GRM5: variants seen among roughly 807,000 people sequenced by gnomAD.
GRM5 encodes metabotropic glutamate receptor 5.
GRM5 carries 19 observed loss-of-function variants against 83.1 expected under a neutral mutation model. The ratio of observed to expected loss-of-function variants is 0.23; its 90% CI spans 0.16 to 0.34. The LOEUF is 0.34. Ranked by LOEUF, GRM5 falls within the 10% of genes least tolerant of loss-of-function variation. The pLI is 1.00. For missense variants in GRM5, 1,160 were observed against 1,588.3 expected (o/e 0.73, Z 4.58); for synonymous variants, 675 against 633.6 (o/e 1.07, Z -0.98).
chr11:88,636,149 T>C (rs918593363), intron 4 of GRM5, among the ~76,000 whole-genome samples: 2 of 152,200 alleles, frequency 1.3e-5, no homozygotes, highest in Admixed American at 6.6e-5. Flanking sequence ...CTTATTTCAC[T>C]GACTAGAACC....
chr11:88,546,397 A>T (rs1364750291), intron 8 of GRM5, among the ~76,000 whole-genome samples: 4 of 152,136 alleles, frequency 2.6e-5, no homozygotes. Flanking sequence ...ATTCTCAATG[A>T]ATAGTTACTG....
chr11:88,650,846 T>A (rs867843465), intron 4 of GRM5, among the ~76,000 whole-genome samples: 1 of 152,090 alleles, frequency 6.6e-6, no homozygotes, highest in African/African-American at 2.4e-5. Flanking sequence ...CAATGTTTAA[T>A]AGTTATATGA....
chr11:89,028,055 C>T (rs939207477), intron 2 of GRM5, among the ~76,000 whole-genome samples: 1 of 152,170 alleles, frequency 6.6e-6, no homozygotes, highest in Non-Finnish European at 1.5e-5. Context: ...ATTCAAGGCA[C>T]TATCTTAGAA....
chr11:88,807,856 T>A (rs1943523230), intron 3 of GRM5, among the ~76,000 whole-genome samples: 1 of 152,082 alleles, frequency 6.6e-6, no homozygotes, highest in Admixed American at 6.6e-5. Flanking sequence ...TTATACGTAT[T>A]AGTCAATTAA....
chr11:88,593,578 C>G (rs1043652283), intron 6 of GRM5, among the ~76,000 whole-genome samples: 2 of 150,252 alleles, frequency 1.3e-5, no homozygotes, highest in Non-Finnish European at 1.5e-5. Flanking sequence ...CTCTGGAGGC[C>G]GAGACAGGAG....
rs373947177 is a variant in GRM5 at position 88,644,368 on chromosome 11, A to G, written c.1147+8800T>C. Among the ~76,000 whole-genome samples the G allele has an allele frequency of 4.6e-5, 7 of 152,324 alleles. No individual in the cohort carries two copies. In the East Asian group the frequency reaches 1.2e-3, roughly 25 times the overall value. ...AAGCAGCATTTATCTAACAACATTT[A>G]TAAAATGCTTGCCTTATATTCAAGG... On this transcript the variant is annotated intron_variant, in intron 4 of 9. Coordinates refer to ENST00000305447, the MANE Select transcript of GRM5 (RefSeq NM_001143831.3).
rs1565181208 is a variant in GRM5, at chr11:88,673,340, C to A, written c.912-19937G>T. Among the ~76,000 whole-genome samples the A allele has an allele frequency of 2.0e-5, 3 of 151,938 alleles. No individual in the cohort carries two copies. In the South Asian group the frequency reaches 6.2e-4, roughly 32 times the overall value. ...TGGAGTATGAGGAAGGAAAACAAATCTAGAATGACACCGAATTTTCTGATT... is the reference window on the plus strand; with the variant it reads ...TGGAGTATGAGGAAGGAAAACAAATATAGAATGACACCGAATTTTCTGATT... On this transcript the variant is annotated intron_variant, in intron 3 of 9. Coordinates refer to ENST00000305447, the MANE Select transcript of GRM5 (RefSeq NM_001143831.3).
chr11:88,818,107 A>T (rs1033595115), intron 3 of GRM5, among the ~76,000 whole-genome samples: 4 of 152,102 alleles, frequency 2.6e-5, no homozygotes, highest in Non-Finnish European at 5.9e-5. Flanking sequence ...AACATAAAAA[A>T]CTATAAATCT....
intron 2 of GRM5, among the ~76,000 whole-genome samples, chr11:88,916,237 T>C (rs1322534491): frequency 6.6e-6 from 1 of 152,118 alleles, no homozygotes; most frequent in African/African-American, 2.4e-5. Context: ...TTTAACCTCA[T>C]ATCAAGGAAA....
chr11:88,840,862 C>CA (rs1944186418), intron 3 of GRM5, among the ~76,000 whole-genome samples: 1 of 152,132 alleles, frequency 6.6e-6, no homozygotes, highest in Admixed American at 6.5e-5. Flanking sequence ...TGCTCAATAG[C>CA]AAAGGAACTT....
At chr11:89,030,221 C>T (rs1941229364) in intron 2 of GRM5, among the ~76,000 whole-genome samples, 1 of 152,084 alleles carries the variant, frequency 6.6e-6, no homozygotes, top group Non-Finnish European at 1.5e-5. Context: ...CCTAATTCTT[C>T]CAGTAAAATT....
At chr11:88,779,609 A>G (rs2135461221) in intron 3 of GRM5, among the ~76,000 whole-genome samples, 1 of 152,238 alleles carries the variant, frequency 6.6e-6, no homozygotes, top group East Asian at 1.9e-4. Flanking sequence ...AAAGAAATTA[A>G]TATACTCACA....
intron 3 of GRM5, among the ~76,000 whole-genome samples, chr11:88,668,212 GCACA>G (rs71046259): frequency 2.1e-5 from 3 of 142,572 alleles, no homozygotes; most frequent in South Asian, 2.3e-4. Context: ...GCAGAAACTC[GCACA>G]CACACACACA....
chr11:88,775,518 T>C (rs10765764), intron 3 of GRM5, among the ~76,000 whole-genome samples: 109,738 of 151,794 alleles, frequency 0.72, 40,093 homozygotes, highest in African/African-American at 0.75. Context: ...TCTAGTTCTT[T>C]TAATTGTGAT....
chr11:88,997,571 G>C (rs1000339028), intron 2 of GRM5, among the ~76,000 whole-genome samples: 7 of 151,804 alleles, frequency 4.6e-5, no homozygotes, highest in Non-Finnish European at 1.0e-4. Flanking sequence ...CAGAGAGAGA[G>C]AGGACATGAA....
At chr11:88,725,626 T>C (rs1466611990) in intron 3 of GRM5, among the ~76,000 whole-genome samples, 1 of 152,070 alleles carries the variant, frequency 6.6e-6, no homozygotes, top group Non-Finnish European at 1.5e-5. Flanking sequence ...AGACACCTCA[T>C]ACAGGAGAGC....
chr11:88,668,025 A>G (rs185115161), intron 3 of GRM5, among the ~76,000 whole-genome samples: 58 of 152,274 alleles, frequency 3.8e-4, no homozygotes, highest in Non-Finnish European at 1.0e-4. Flanking sequence ...TACACTAAAA[A>G]GTAATTGTAA....
intron 3 of GRM5, among the ~76,000 whole-genome samples, chr11:88,846,819 C>T (rs555760667): frequency 4.6e-4 from 70 of 151,740 alleles, no homozygotes; most frequent in African/African-American, 1.5e-3. Context: ...GAAGTTATAG[C>T]GTGAACTAAA....
chr11:88,643,894 A>C (rs1485251593), intron 4 of GRM5, among the ~76,000 whole-genome samples: 1 of 152,200 alleles, frequency 6.6e-6, no homozygotes, highest in African/African-American at 2.4e-5. Flanking sequence ...TGCATAAGGA[A>C]GTATCCTCTA....
Sources: gnomAD v4.1 joint callset for allele counts (sites outside exome capture counted in the v4.1 genomes callset) on GRCh38, gnomAD v4.1.1 for gene constraint, MANE v1.5 for transcripts, NCBI Gene and HGNC (gene_info 2026-07-23, HGNC 2026-07-21) for gene names.